The following LSAMP variants were observed in gnomAD, a reference collection of about 807,000 sequenced individuals.
The protein encoded by LSAMP is limbic system associated membrane protein.
Under a neutral mutation model 38.6 loss-of-function variants are expected in LSAMP, and 7 were observed. The observed-to-expected ratio is 0.18, with a 90% CI of 0.10 to 0.34. LSAMP has a LOEUF of 0.34. Among genes scored for constraint, LSAMP ranks in the 10% least tolerant of loss-of-function variants. LSAMP has a pLI of 1.00. For synonymous variants in LSAMP, 154 were observed against 166.8 expected (o/e 0.92, Z 0.59); for missense variants, 313 against 420.0 (o/e 0.75, Z 2.23).
At chr3:115,894,405 G>T (rs1936677986) in intron 3 of LSAMP, among the ~76,000 whole-genome samples, 1 of 151,984 alleles carries the variant, frequency 6.6e-6, no homozygotes, top group Admixed American at 6.6e-5. Context: ...AAGACCCTCG[G>T]TACTCTCTGG....
intron 1 of LSAMP, among the ~76,000 whole-genome samples, chr3:116,418,847 C>T (rs2049085722): frequency 1.3e-5 from 2 of 152,074 alleles, no homozygotes; most frequent in African/African-American, 4.8e-5. Context: ...GCTAAAACCG[C>T]TTGAGCTCCC....
chr3:115,932,309 C>T (rs139929317), intron 3 of LSAMP, among the ~76,000 whole-genome samples: 1 of 152,300 alleles, frequency 6.6e-6, no homozygotes, highest in Non-Finnish European at 1.5e-5. Context: ...ACCACAGAAC[C>T]TGTGCTTTTA....
At chr3:115,897,731 C>T (rs996633381) in intron 3 of LSAMP, among the ~76,000 whole-genome samples, 6 of 152,042 alleles carry the variant, frequency 3.9e-5, no homozygotes, top group Admixed American at 6.6e-5. Context: ...AAAAATAGAA[C>T]GTGTTTTAAG....
chr3:116,043,972 G>C (rs6801473), intron 2 of LSAMP, among the ~76,000 whole-genome samples: 2 of 152,090 alleles, frequency 1.3e-5, no homozygotes. Context: ...AAAAATTAAA[G>C]AAAAATTCTT....
chr3:115,933,099 G>A (rs1487665559), intron 3 of LSAMP, among the ~76,000 whole-genome samples: 3 of 152,198 alleles, frequency 2.0e-5, no homozygotes, highest in African/African-American at 7.2e-5. Context: ...CATAGACCTC[G>A]CGAAAGGGAG....
At chr3:116,207,661 T>A (rs893820193) in intron 1 of LSAMP, among the ~76,000 whole-genome samples, 2 of 151,916 alleles carry the variant, frequency 1.3e-5, no homozygotes, top group Non-Finnish European at 2.9e-5. Context: ...CCTTCACTTA[T>A]GAAGCTTAGT....
intron 1 of LSAMP, among the ~76,000 whole-genome samples, chr3:116,146,982 A>G (rs538288180): frequency 5.3e-5 from 8 of 152,020 alleles, no homozygotes; most frequent in Admixed American, 2.0e-4. Flanking sequence ...AAGTGTCCTT[A>G]CAAACTGGGG....
intron 3 of LSAMP, among the ~76,000 whole-genome samples, chr3:115,952,322 C>T (rs1204386232): frequency 1.3e-5 from 2 of 152,100 alleles, no homozygotes; most frequent in African/African-American, 4.8e-5. Flanking sequence ...AGCCTAAATG[C>T]CCATCAACCA....
intron 3 of LSAMP, among the ~76,000 whole-genome samples, chr3:115,888,014 C>A (rs1936500353): frequency 6.6e-6 from 1 of 151,892 alleles, no homozygotes; most frequent in South Asian, 2.1e-4. Context: ...CACATTTTAG[C>A]AAAGTACAGT....
intron 1 of LSAMP, among the ~76,000 whole-genome samples, chr3:116,409,965 T>G (rs1395925768): frequency 6.6e-6 from 1 of 152,082 alleles, no homozygotes; most frequent in Non-Finnish European, 1.5e-5. Context: ...TGCCACGACA[T>G]TTCTCACTGA....
chr3:116,315,662 T>C (rs1215387387), intron 1 of LSAMP, among the ~76,000 whole-genome samples: 1 of 152,214 alleles, frequency 6.6e-6, no homozygotes. Flanking sequence ...GTGTCTGCTA[T>C]GTTTTAAGGA....
intron 1 of LSAMP, among the ~76,000 whole-genome samples, chr3:116,233,412 C>CAA (rs3028677): frequency 0.61 from 42,721 of 69,964 alleles, 15,852 homozygotes; most frequent in South Asian, 0.78. Flanking sequence ...GACTCTGTCT[C>CAA]AAAAAAAAAA....
Position 116,444,937 on chromosome 3 carries a change from A to T in LSAMP, c.95T>A (p.Val32Glu). Residue 32 changes from valine (V) to glutamate (E), a missense_variant, in exon 1 of 7, where the codon GTG (valine) becomes GAG (glutamate). Physicochemically the swap from Val to Glu is moderately radical, Grantham distance 121. Coordinates refer to ENST00000490035, the MANE Select transcript of LSAMP (RefSeq NM_002338.5). ...LLPTGLPVRSVDFNRGTDNIT... is the reference protein window; with the variant it reads ...LLPTGLPVRSEDFNRGTDNIT... Reference sequence around the variant, plus strand: ...GTTGTCCGTGCCTCGGTTAAAATCCACGCTGCGAACAGGCAGTCCTGTGGG... The same window carrying T: ...GTTGTCCGTGCCTCGGTTAAAATCCTCGCTGCGAACAGGCAGTCCTGTGGG... 1 of 1,614,048 alleles carries T rather than the reference A, an allele frequency of 6.2e-7. No homozygotes were observed.
At chr3:116,197,803 CCAATGATATATA>C (rs760854473) in intron 1 of LSAMP, among the ~76,000 whole-genome samples, 2 of 152,106 alleles carry the variant, frequency 1.3e-5, no homozygotes, top group Non-Finnish European at 2.9e-5. Flanking sequence ...ATCCTTGCTT[CCAATGATATATA>C]CAGTTCAGTA....
At chr3:116,192,728 C>T (rs751639837) in intron 1 of LSAMP, among the ~76,000 whole-genome samples, 2 of 152,172 alleles carry the variant, frequency 1.3e-5, no homozygotes, top group Non-Finnish European at 2.9e-5. Flanking sequence ...CTGTTACAAC[C>T]TTGTCAATGG....
chr3:116,222,974 G>A (rs13084697), intron 1 of LSAMP, among the ~76,000 whole-genome samples: 74,317 of 150,386 alleles, frequency 0.49, 20,545 homozygotes, highest in East Asian at 0.75. Flanking sequence ...TCCTGACCTC[G>A]TGATCCGCCT....
At chr3:116,039,851 T>A (rs1454502466) in intron 2 of LSAMP, among the ~76,000 whole-genome samples, 1 of 152,152 alleles carries the variant, frequency 6.6e-6, no homozygotes, top group Non-Finnish European at 1.5e-5. Context: ...AGTTTGGCAA[T>A]TTAGTTTTCA....
At chr3:115,904,045 C>T (rs1410325713) in intron 3 of LSAMP, among the ~76,000 whole-genome samples, 2 of 151,992 alleles carry the variant, frequency 1.3e-5, no homozygotes, top group Non-Finnish European at 1.5e-5. Flanking sequence ...AAAACTCATT[C>T]TCAAAAGTAG....
At chr3:116,194,675 C>A (rs1559777866) in intron 1 of LSAMP, among the ~76,000 whole-genome samples, 1 of 152,174 alleles carries the variant, frequency 6.6e-6, no homozygotes, top group Non-Finnish European at 1.5e-5. Context: ...GGATTACAGG[C>A]GTGAGCCTCC....
Sources: gnomAD v4.1 joint callset for allele counts (sites outside exome capture counted in the v4.1 genomes callset) on GRCh38, gnomAD v4.1.1 for gene constraint, MANE v1.5 for transcripts, NCBI Gene and HGNC (gene_info 2026-07-23, HGNC 2026-07-21) for gene names.